TXLNB: variants seen among roughly 807,000 people sequenced by gnomAD.
TXLNB encodes beta-taxilin.
In TXLNB, 37 loss-of-function variants were observed where a neutral mutation model predicts 57.4. The ratio of observed to expected loss-of-function variants is 0.64; its 90% CI spans 0.50 to 0.85. The LOEUF is 0.85. Among genes scored for constraint, TXLNB ranks in the 40% least tolerant of loss-of-function variants. TXLNB has a pLI of 0.00. For missense variants in TXLNB, 848 were observed against 825.6 expected (o/e 1.03, Z -0.33); for synonymous variants, 302 against 309.6 (o/e 0.98, Z 0.26).
chr6:139,179,400 GT>G, the TXLNB span: 1 of 152,208 alleles, frequency 6.6e-6, no homozygotes, highest in Non-Finnish European at 1.5e-5. Flanking sequence ...ACTGCCGTCA[GT>G]GTAGTGTATG....
chr6:139,304,351 T>C, the TXLNB span, among the ~76,000 whole-genome samples: 1 of 152,170 alleles, frequency 6.6e-6, no homozygotes, highest in Non-Finnish European at 1.5e-5. Context: ...ACAAAACCCA[T>C]GGAAAGTATC....
the TXLNB span, among the ~76,000 whole-genome samples, chr6:139,164,558 T>A: frequency 6.6e-6 from 1 of 152,132 alleles, no homozygotes; most frequent in Non-Finnish European, 1.5e-5. Flanking sequence ...GCCTAGAGGA[T>A]GAGGAGAGAA....
At chr6:139,278,872 T>C (rs185828256) in intron 2 of TXLNB, among the ~76,000 whole-genome samples, 18 of 152,192 alleles carry the variant, frequency 1.2e-4, no homozygotes, top group Admixed American at 1.2e-3. Context: ...GGCTTGGTGG[T>C]ACATGCCTGT....
the TXLNB span, among the ~76,000 whole-genome samples, chr6:139,297,301 G>A: frequency 6.6e-6 from 1 of 152,092 alleles, no homozygotes; most frequent in Admixed American, 6.5e-5. Context: ...CCATAAAGAT[G>A]TGTTTAACCA....
At chr6:139,211,075 G>A in the TXLNB span, among the ~76,000 whole-genome samples, 1 of 152,240 alleles carries the variant, frequency 6.6e-6, no homozygotes, top group African/African-American at 2.4e-5. Flanking sequence ...ACAAACAAGA[G>A]ACAGCAATAA....
intron 5 of TXLNB, among the ~76,000 whole-genome samples, chr6:139,261,912 T>A (rs1353673668): frequency 6.7e-6 from 1 of 148,640 alleles, no homozygotes; most frequent in Non-Finnish European, 1.5e-5. Context: ...TTTTTTTTTT[T>A]TTTTTTTTTG....
At chr6:139,204,936 C>CCCCA in the TXLNB span, among the ~76,000 whole-genome samples, 1 of 152,200 alleles carries the variant, frequency 6.6e-6, no homozygotes, top group African/African-American at 2.4e-5. Context: ...CACCCCCCAT[C>CCCCA]CCCACAGTGG....
the TXLNB span, among the ~76,000 whole-genome samples, chr6:139,168,167 T>C: frequency 1.4e-4 from 21 of 152,366 alleles, no homozygotes; most frequent in South Asian, 4.4e-3. Flanking sequence ...TTGTAAATAC[T>C]GCTGTCTTCA....
rs954064697 is a variant in TXLNB, at chr6:139,284,788, A to G, written c.424+3688T>C. On this transcript the variant is annotated intron_variant, in intron 2 of 9. Transcript: ENST00000358430. ...TAATAAACAGTTAAGTTGGAAAACCATTAGTCTAGACGATAGCACAGTACC... is the reference window on the plus strand; with the variant it reads ...TAATAAACAGTTAAGTTGGAAAACCGTTAGTCTAGACGATAGCACAGTACC... 1.6e-4 allele frequency among the ~76,000 whole-genome samples: 23 copies of G among 146,266 alleles called. 5 individuals are homozygous for G. The highest frequency in any genetic ancestry group is 5.5e-4 in the African/African-American group (22 of 39,866).
At chr6:139,292,227 A>G (rs1777318866), upstream of TXLNB, 1 of 152,206 alleles carries the variant, frequency 6.6e-6, no homozygotes, top group Admixed American at 6.5e-5. The surrounding 1 kb of genome is among the most constrained non-coding windows in gnomAD (Gnocchi z 4.0). Context: ...CAGGGGAAAT[A>G]CCTTAGCAGA....
chr6:139,258,030 C>T (rs920284159), intron 6 of TXLNB, among the ~76,000 whole-genome samples: 22 of 152,106 alleles, frequency 1.4e-4, no homozygotes, highest in African/African-American at 5.3e-4. Flanking sequence ...ACTGTGCCTG[C>T]TTCTTGTGAG....
chr6:139,207,957 T>A, the TXLNB span, among the ~76,000 whole-genome samples: 1 of 152,030 alleles, frequency 6.6e-6, no homozygotes, highest in South Asian at 2.1e-4. Context: ...GCACCTATAA[T>A]CCCAGCTAGT....
chr6:139,264,543 TTTTTG>T (rs199910457), intron 4 of TXLNB, among the ~76,000 whole-genome samples: 209 of 150,672 alleles, frequency 1.4e-3, no homozygotes, highest in African/African-American at 4.1e-3. Context: ...ATATATATAT[TTTTTG>T]TTTTGTTTTG....
At chr6:139,307,192 G>T in the TXLNB span, among the ~76,000 whole-genome samples, 1,336 of 152,200 alleles carry the variant, frequency 8.8e-3, 26 homozygotes, top group African/African-American at 0.031. Context: ...AATGATTGGG[G>T]TTTTTTGTTT....
chr6:139,263,677 G>A (rs975166113), intron 4 of TXLNB, among the ~76,000 whole-genome samples: 6 of 101,584 alleles, frequency 5.9e-5, no homozygotes, highest in African/African-American at 4.8e-4. Context: ...ATTGCTTTGC[G>A]ATTGTTATTC....
At chr6:139,209,771 A>G in the TXLNB span, among the ~76,000 whole-genome samples, 1 of 152,232 alleles carries the variant, frequency 6.6e-6, no homozygotes, top group African/African-American at 2.4e-5. Flanking sequence ...ATTCTAGAAG[A>G]TAACATTGGA....
At chr6:139,230,672 G>T in the TXLNB span, among the ~76,000 whole-genome samples, 3 of 152,214 alleles carry the variant, frequency 2.0e-5, no homozygotes, top group African/African-American at 7.2e-5. Context: ...GTGAGTCCAT[G>T]ATGACTGTCA....
the TXLNB span, among the ~76,000 whole-genome samples, chr6:139,217,271 G>A: frequency 6.6e-6 from 1 of 152,084 alleles, no homozygotes; most frequent in Non-Finnish European, 1.5e-5. Flanking sequence ...TGCATCATGG[G>A]AATCAAAGAA....
chr6:139,264,541 A>ATTTTTTG (rs1281176287), intron 4 of TXLNB, among the ~76,000 whole-genome samples: 7 of 144,380 alleles, frequency 4.8e-5, no homozygotes, highest in African/African-American at 1.9e-4. Context: ...ATATATATAT[A>ATTTTTTG]TTTTTTGTTT....
Sources: allele counts gnomAD v4.1 joint callset (sites outside exome capture counted in the v4.1 genomes callset), GRCh38; gene constraint gnomAD v4.1.1; non-coding constraint Gnocchi (gnomAD v3.1); transcripts MANE v1.5; gene names NCBI Gene and HGNC (gene_info 2026-07-23, HGNC 2026-07-21).